The following RHBDF2 variants were observed in gnomAD, a reference collection of about 807,000 sequenced individuals.
The protein encoded by RHBDF2 is inactive rhomboid protein 2.
Under a neutral mutation model 95.2 loss-of-function variants are expected in RHBDF2, and 38 were observed. The ratio of observed to expected loss-of-function variants is 0.40; its 90% CI spans 0.31 to 0.52. The LOEUF (loss-of-function observed/expected upper bound fraction) is 0.52, where lower values mean the gene tolerates loss of function less well. RHBDF2 is among the 20% of genes least tolerant of loss of function. The pLI, the probability that RHBDF2 is intolerant of heterozygous loss-of-function variation, is 0.56. For synonymous variants in RHBDF2, 442 were observed against 462.0 expected, an observed-to-expected ratio of 0.96 and a Z score of 0.55; for missense variants, 863 against 1,137.7, an observed-to-expected ratio of 0.76 and a Z score of 3.47.
At chr17:76,499,353 G>C (rs1048206342) in intron 1 of RHBDF2, among the ~76,000 whole-genome samples, 1 of 152,094 alleles carries the variant, frequency 6.6e-6, no homozygotes, top group South Asian at 2.1e-4. Context: ...TGCTTCATCC[G>C]ATCCTCTCCC....
chr17:76,486,101 C>T (rs1361238157), intron 2 of RHBDF2, among the ~76,000 whole-genome samples: 1 of 132,684 alleles, frequency 7.5e-6, no homozygotes, highest in East Asian at 2.1e-4. Context: ...CACACACACA[C>T]ACACACACAC....
At chr17:76,488,300 G>C (rs1437983516) in intron 1 of RHBDF2, 1 of 151,894 alleles carries the variant, frequency 6.6e-6, no homozygotes, top group African/African-American at 2.4e-5. Flanking sequence ...AGGAGTTCGA[G>C]ATCGGCCTGG....
chr17:76,474,555 G>A (rs1567873838), intron 11 of RHBDF2, 21 bp from the exon 12 acceptor site: 1 of 1,613,594 alleles, frequency 6.2e-7, no homozygotes, highest in Non-Finnish European at 8.5e-7. Context: ...GAAAGGGAGG[G>A]GAGAGAGTGA....
At chr17:76,499,617 C>T (rs1190918327) in intron 1 of RHBDF2, among the ~76,000 whole-genome samples, 1 of 152,124 alleles carries the variant, frequency 6.6e-6, no homozygotes, top group Admixed American at 6.5e-5. Flanking sequence ...CTGGGGACCC[C>T]CCAGGAATTA....
At chr17:76,473,610 G>A (rs368446500) in intron 15 of RHBDF2, 38 bp downstream of exon 15, 218 of 1,528,656 alleles carry the variant, frequency 1.4e-4, no homozygotes, top group Non-Finnish European at 1.5e-4. Context: ...GCTCGGGGGG[G>A]CAGTGGGATG....
At position 76,471,527 on chromosome 17, in the gene RHBDF2, C is replaced by A; in HGVS notation, c.*106G>T. The A allele has an allele frequency of 7.7e-7, 1 of 1,297,994 alleles. No individual in the cohort carries two copies. Among genetic ancestry groups the A allele is most frequent in the Non-Finnish European group, 1.0e-6 (1 of 961,994 alleles). The allele number at this position is 1,297,994 out of a possible 1,614,324, so 80.4% of individuals were successfully genotyped here. Reference sequence around the variant, plus strand: ...CCCAGGTCCAGAGCCCGGGCCCTGTCTTGGGTCTCTGGCTCTCTGGCACAC... The same window carrying A: ...CCCAGGTCCAGAGCCCGGGCCCTGTATTGGGTCTCTGGCTCTCTGGCACAC... On this transcript the variant is annotated 3_prime_UTR_variant, in exon 19 of 19. Transcript: ENST00000675367.
rs539168620 is a variant in RHBDF2, at chr17:76,492,758, G to A, written c.-219-4849C>T. 5.3e-5 allele frequency among the ~76,000 whole-genome samples: 8 copies of A among 152,332 alleles called. No individual in the cohort carries two copies. The South Asian group carries it at 1.2e-3, about 24-fold the overall frequency. On this transcript the variant is annotated intron_variant, in intron 1 of 18. Transcript: ENST00000675367. ...CCCTGGGCTCTATGGGCTTTATGGG[G>A]CAGGGCAGGGAGAGCGTGACAGGTG...
chr17:76,474,870 G>T (rs1321189597), intron 10 of RHBDF2, 66 bp from the exon 11 acceptor site: 1 of 1,580,322 alleles, frequency 6.3e-7, no homozygotes, highest in African/African-American at 1.3e-5. Flanking sequence ...GGGAGCTGGG[G>T]CAGCTGTCCC....
chr17:76,479,642 G>T, intron 4 of RHBDF2, 91 bp downstream of exon 4: 1 of 965,436 alleles, frequency 1.0e-6, no homozygotes, highest in Non-Finnish European at 1.6e-6. Context: ...CCAGAGAGGG[G>T]ACGCAGGGAC....
At chr17:76,497,652 C>T (rs75279046) in intron 1 of RHBDF2, among the ~76,000 whole-genome samples, 3,516 of 152,166 alleles carry the variant, frequency 0.023, 128 homozygotes, top group African/African-American at 0.077. Context: ...GGGCACTGCA[C>T]TGCAGGCTGC....
chr17:76,485,014 G>A (rs1304897224), intron 2 of RHBDF2, among the ~76,000 whole-genome samples: 1 of 152,202 alleles, frequency 6.6e-6, no homozygotes, highest in Non-Finnish European at 1.5e-5. Flanking sequence ...GCTCACGCCT[G>A]TAATCTCAGC....
intron 1 of RHBDF2, among the ~76,000 whole-genome samples, chr17:76,495,998 C>A (rs549487415): frequency 6.6e-6 from 1 of 152,290 alleles, no homozygotes; most frequent in Non-Finnish European, 1.5e-5. Flanking sequence ...TGCTTCGGGG[C>A]AGCGTGGAGC....
In RHBDF2 at chr17:76,476,945, C is replaced by G. The variant is rs1175136217; in HGVS notation, c.1000G>C (p.Asp334His). Residue 334 changes from aspartate to histidine, a missense_variant, in exon 9 of 19, where the codon GAT becomes CAT. Physicochemically the swap from Asp to His is moderately conservative, Grantham distance 81. Around this residue, in one of 2 missense-constraint regions of RHBDF2, gnomAD observed 611 missense variants for 725.5 expected, o/e 0.84. Coordinates refer to ENST00000675367, the MANE Select transcript of RHBDF2 (RefSeq NM_001005498.4). ...AGGCCGTAGTGCCGCTTCTTCCGAT[C>G]AAAGGCAAAGTGCTTCACCTTGGAG... ...IASKVKHFAF[D>H]RKKRHYGLGV... The G allele has an allele frequency of 6.2e-7, 1 of 1,613,866 alleles. No homozygotes were observed. The highest frequency in any genetic ancestry group is 8.5e-7 in the Non-Finnish European group (1 of 1,180,056).
At chr17:76,496,618 T>C (rs1352241256) in intron 1 of RHBDF2, among the ~76,000 whole-genome samples, 2 of 152,168 alleles carry the variant, frequency 1.3e-5, no homozygotes, top group East Asian at 3.9e-4. Flanking sequence ...ATGATCTCAT[T>C]TAGTTGAGGC....
chr17:76,475,170 G>C lies in RHBDF2; in HGVS notation c.1116-29C>G, dbSNP rs753977949. On this transcript the variant is annotated intron_variant, in intron 9 of 18. Coordinates refer to ENST00000675367, the MANE Select transcript of RHBDF2 (RefSeq NM_001005498.4). ...TGCAGAGACACCTCGGGTCAGCTGA[G>C]CCGAGCTCCTATCCCAACCCCCAGT... The C allele has an allele frequency of 6.0e-6, 9 of 1,499,118 alleles. No individual in the cohort carries two copies. The African/African-American group carries it at 1.1e-4, about 18-fold the overall frequency. 92.9% of individuals were successfully genotyped at this position (1,499,118 alleles called of 1,614,324 possible).
intron 9 of RHBDF2, 145 bp downstream of exon 9, chr17:76,476,685 G>A (rs2073781677): frequency 2.4e-6 from 3 of 1,245,768 alleles, no homozygotes; most frequent in Non-Finnish European, 3.2e-6. Context: ...GGGACAGGGT[G>A]CGCCTTCGAG....
intron 18 of RHBDF2, 100 bp from the exon 19 acceptor site, chr17:76,472,152 G>T: frequency 8.1e-7 from 1 of 1,239,930 alleles, no homozygotes. Context: ...CTCCCTGGCA[G>T]GCATGGGGAC....
chr17:76,496,098 G>A (rs1212609836), intron 1 of RHBDF2, among the ~76,000 whole-genome samples: 1 of 152,206 alleles, frequency 6.6e-6, no homozygotes, highest in Non-Finnish European at 1.5e-5. Flanking sequence ...CTTTGGGCAA[G>A]TGGGTGCTGC....
Position 76,479,259 on chromosome 17 carries a change from A to G in RHBDF2, c.291T>C (p.Phe97=). ...GCCCCTCCCAGTCGCCGCTGACTCC[A>G]AACCACTGGGCTGCGCCCCTGCGGA... ...QSIRKGAAQW[F]GVSGDWEGQR... Residue 97 remains phenylalanine, a synonymous_variant, in exon 5 of 19, where the codon TTT becomes TTC. Transcript: ENST00000675367. The G allele has an allele frequency of 6.2e-7, 1 of 1,603,810 alleles. No homozygotes were observed. Among genetic ancestry groups the G allele is most frequent in the Non-Finnish European group, 8.5e-7 (1 of 1,178,632 alleles).
Sources: allele counts gnomAD v4.1 joint callset (sites outside exome capture counted in the v4.1 genomes callset), GRCh38; gene constraint gnomAD v4.1.1; regional missense constraint gnomAD v4.1.1; transcripts MANE v1.5; gene names NCBI Gene and HGNC (gene_info 2026-07-23, HGNC 2026-07-21).